Variants in HERPUD1 observed in about 807,000 individuals in gnomAD.
HERPUD1 encodes homocysteine inducible ER protein with ubiquitin like domain 1.
HERPUD1 carries 17 observed loss-of-function variants against 45.0 expected under a neutral mutation model. The observed-to-expected ratio is 0.38, with a 90% confidence interval of 0.26 to 0.57. The LOEUF is 0.57. Ranked by LOEUF, HERPUD1 falls within the 20% of genes least tolerant of loss-of-function variation. The pLI is 0.72. For missense variants in HERPUD1, 420 were observed against 490.5 expected (o/e 0.86, Z 1.36); for synonymous variants, 164 against 177.5 (o/e 0.92, Z 0.61).
chr16:56,933,620 A>G (rs9788873), intron 1 of HERPUD1, among the ~76,000 whole-genome samples: 49,896 of 152,092 alleles, frequency 0.33, 8,995 homozygotes, highest in African/African-American at 0.49. Flanking sequence ...GTAAACAAAT[A>G]CCTCTCAGGT....
chr16:56,942,415 A>G (rs796119245), intron 7 of HERPUD1, among the ~76,000 whole-genome samples, 178 bp downstream of exon 7: 1 of 152,224 alleles, frequency 6.6e-6, no homozygotes, highest in Non-Finnish European at 1.5e-5. Flanking sequence ...GTGCCATCAC[A>G]TTCTATCACA....
chr16:56,933,658 TG>T (rs1291997188), intron 1 of HERPUD1, among the ~76,000 whole-genome samples: 1 of 152,262 alleles, frequency 6.6e-6, no homozygotes, highest in Admixed American at 6.5e-5. Context: ...AAAATTATTA[TG>T]GCTGAAACAT....
At chr16:56,936,958 A>G in intron 4 of HERPUD1, 141 bp downstream of exon 4, 1 of 839,252 alleles carries the variant, frequency 1.2e-6, no homozygotes, top group South Asian at 2.3e-5. Context: ...GCTTCGCTTT[A>G]AAGATCTCTT....
chr16:56,939,891 T>G lies in HERPUD1; in HGVS notation c.555-4T>G. The G allele has an allele frequency of 6.2e-7, 1 of 1,605,224 alleles. No individual in the cohort carries two copies. The highest frequency in any genetic ancestry group is 8.5e-7 in the Non-Finnish European group (1 of 1,172,848). On this transcript the variant is annotated splice_polypyrimidine_tract_variant and splice_region_variant and intron_variant, in intron 5 of 7. Transcript: ENST00000439977. ...AGTATCTGCCTCTGTCGTTTTTATT[T>G]TAGTTTAGCAGCCACTGCTGCATCA...
At chr16:56,937,428 C>G (rs1191368475) in intron 4 of HERPUD1, 1 of 152,094 alleles carries the variant, frequency 6.6e-6, no homozygotes, top group African/African-American at 2.4e-5. Context: ...CCCCCTTTTT[C>G]TAGTACTTTT....
intron 5 of HERPUD1, 95 bp downstream of exon 5, chr16:56,939,454 G>A: frequency 1.3e-6 from 2 of 1,490,896 alleles, no homozygotes; most frequent in Middle Eastern, 2.2e-4. Flanking sequence ...ATGGAGGGAT[G>A]AGTGTATTTT....
At chr16:56,936,138 G>A (rs573706194) in intron 3 of HERPUD1, 27 of 152,718 alleles carry the variant, frequency 1.8e-4, no homozygotes, top group African/African-American at 6.3e-4. Context: ...TTCTAATGTA[G>A]TGATGCACTC....
intron 3 of HERPUD1, chr16:56,935,685 A>T (rs747350523): frequency 1.2e-5 from 7 of 578,108 alleles, no homozygotes; most frequent in Non-Finnish European, 2.2e-5. Flanking sequence ...CTGTAGTAGA[A>T]AGGTGGAGTT....
Position 56,942,252 on chromosome 16 carries a change from A to C in HERPUD1, c.1011+15A>C, listed in dbSNP as rs762803444. 10 of 1,581,570 alleles carry C rather than the reference A, an allele frequency of 6.3e-6. No individual in the cohort carries two copies. The Middle Eastern group carries it at 6.7e-4, about 106-fold the overall frequency. On this transcript the variant is annotated intron_variant, in intron 7 of 7. Transcript: ENST00000439977. ...ATAACTTACAGGTATGGAGCCTCCC[A>C]CGAAGCCCAGGCGAGCTTGACGTGA...
intron 1 of HERPUD1, among the ~76,000 whole-genome samples, chr16:56,933,485 G>C (rs1446365434): frequency 1.3e-5 from 2 of 152,208 alleles, no homozygotes; most frequent in Non-Finnish European, 2.9e-5. Context: ...TACACAAATT[G>C]GTGAAGCAGG....
Position 56,944,087 on chromosome 16 carries a change from T to G in HERPUD1, c.*797T>G, listed in dbSNP as rs139656239. ...TCTTGCTTTGTTCCTTGGGCCAGAG[T>G]ACATTGGCTACTCACAAGTGGGCTG... On this transcript the variant is annotated 3_prime_UTR_variant, in exon 8 of 8. Coordinates refer to ENST00000439977, the MANE Select transcript of HERPUD1 (RefSeq NM_014685.4). 6.5e-6 allele frequency: 1 copy of G among 154,326 alleles called. No homozygotes were observed. The highest frequency in any genetic ancestry group is 2.4e-5 in the African/African-American group (1 of 41,636). The allele number at this position is 154,326 out of a possible 1,614,324, so 9.6% of individuals were successfully genotyped here.
At chr16:56,935,072 C>T in intron 1 of HERPUD1, 163 bp from the exon 2 acceptor site, 1 of 602,254 alleles carries the variant, frequency 1.7e-6, no homozygotes, top group South Asian at 2.0e-5. Context: ...AAGACACTTT[C>T]TAAATAGAAG....
In HERPUD1 at chr16:56,935,284, A is replaced by G. The variant is rs1424410816; in HGVS notation, c.197A>G (p.His66Arg). Residue 66 changes from histidine to arginine, a missense_variant, in exon 2 of 8, where the codon CAC (histidine) becomes CGC (arginine). Physicochemically the swap from His to Arg is conservative, Grantham distance 29. Coordinates refer to ENST00000439977, the MANE Select transcript of HERPUD1 (RefSeq NM_014685.4). ...LIYSGKLLLD[H>R]QCLRDLLPKQ... ...TATTCTGGGAAGCTGTTGTTGGATC[A>G]CCAATGTCTCAGGGACTTGCTTCCA... The G allele has an allele frequency of 1.2e-6, 2 of 1,613,936 alleles. No individual in the cohort carries two copies. Among genetic ancestry groups the G allele is most frequent in the Non-Finnish European group, 1.7e-6 (2 of 1,179,886 alleles).
At chr16:56,933,096 C>G (rs1490870818) in intron 1 of HERPUD1, 3 of 366,536 alleles carry the variant, frequency 8.2e-6, no homozygotes, top group African/African-American at 6.4e-5. Context: ...ACCGCCTGCC[C>G]TGGCCACCAC....
At position 56,939,894 on chromosome 16, in the gene HERPUD1, G is replaced by A. The variant is rs761886225; in HGVS notation, c.555-1G>A. The A allele has an allele frequency of 6.3e-7, 1 of 1,589,346 alleles. No individual in the cohort carries two copies. The highest frequency in any genetic ancestry group is 8.6e-7 in the Non-Finnish European group (1 of 1,159,748). On this transcript the variant is annotated splice_acceptor_variant, in intron 5 of 7. Coordinates refer to ENST00000439977, the MANE Select transcript of HERPUD1 (RefSeq NM_014685.4). LOFTEE classifies it high-confidence loss of function. ...ATCTGCCTCTGTCGTTTTTATTTTA[G>A]TTTAGCAGCCACTGCTGCATCAGGG...
In HERPUD1 at chr16:56,940,199, C is replaced by T. The variant is rs1456288062; in HGVS notation, c.859C>T (p.Leu287=). ...CAGTATCCTCTACTTCTACTCCTCCCTGAGCAGATTCCTCATGGTCATGGG... is the reference window on the plus strand; with the variant it reads ...CAGTATCCTCTACTTCTACTCCTCCTTGAGCAGATTCCTCATGGTCATGGG... ...FLSILYFYSS[L]SRFLMVMGAT... The change falls in exon 6 of 8, where the codon CTG becomes TTG. Residue 287 remains leucine (L), a synonymous_variant. Coordinates refer to ENST00000439977, the MANE Select transcript of HERPUD1 (RefSeq NM_014685.4). 6.2e-7 allele frequency: 1 copy of T among 1,614,048 alleles called. No individual in the cohort carries two copies. The highest frequency in any genetic ancestry group is 1.3e-5 in the African/African-American group (1 of 74,944).
intron 7 of HERPUD1, among the ~76,000 whole-genome samples, 180 bp downstream of exon 7, chr16:56,942,417 T>G (rs1296794636): frequency 3.3e-5 from 5 of 152,240 alleles, no homozygotes; most frequent in African/African-American, 1.2e-4. Flanking sequence ...GCCATCACAT[T>G]CTATCACATA....
Position 56,943,485 on chromosome 16 carries a change from G to T in HERPUD1, c.*195G>T. The T allele has an allele frequency of 1.5e-6, 1 of 671,604 alleles. No individual in the cohort carries two copies. Among genetic ancestry groups the T allele is most frequent in the Non-Finnish European group, 2.7e-6 (1 of 373,394 alleles). 41.6% of individuals were successfully genotyped at this position (671,604 alleles called of 1,614,324 possible). On this transcript the variant is annotated 3_prime_UTR_variant, in exon 8 of 8. Transcript: ENST00000439977. ...AATTGGTGAACAAAAAATGCCCAAG[G>T]CTTCTCATGTCTTTATTCTGAAGAG...
chr16:56,935,296 G>A lies in HERPUD1; in HGVS notation c.209G>A (p.Arg70Lys), dbSNP rs1246307523. The change falls in exon 2 of 8, where the codon AGG becomes AAG. Residue 70 changes from arginine to lysine, a missense_variant. By Grantham distance (26) the Arg-to-Lys change is conservative. Coordinates refer to ENST00000439977, the MANE Select transcript of HERPUD1 (RefSeq NM_014685.4). Reference protein sequence around the residue: ...GKLLLDHQCLRDLLPKQEKRH... With the variant: ...GKLLLDHQCLKDLLPKQEKRH... The stretch of plus-strand genomic sequence containing the variant: ...CTGTTGTTGGATCACCAATGTCTCA[G>A]GGACTTGCTTCCAAAGGTACATCAC... The A allele has an allele frequency of 1.2e-6, 2 of 1,613,804 alleles. No individual in the cohort carries two copies. The highest frequency in any genetic ancestry group is 2.7e-5 in the African/African-American group (2 of 74,906).
Sources: allele counts gnomAD v4.1 joint callset (sites outside exome capture counted in the v4.1 genomes callset), GRCh38; gene constraint gnomAD v4.1.1; transcripts MANE v1.5; gene names NCBI Gene and HGNC (gene_info 2026-07-23, HGNC 2026-07-21).